The following WDR72 variants were observed in gnomAD, a reference collection of about 807,000 sequenced individuals.
WDR72 encodes the protein WD repeat domain 72, also known as WD repeat-containing protein 72.
In WDR72, 120 loss-of-function variants were observed where a neutral mutation model predicts 124.2. The observed-to-expected ratio is 0.97, with a 90% confidence interval of 0.83 to 1.12. WDR72 has a LOEUF of 1.12. Among genes scored for constraint, WDR72 ranks in the 50% most tolerant of loss-of-function variants. The pLI is 0.00. For synonymous variants in WDR72, 452 were observed against 441.7 expected (o/e 1.02, Z -0.29); for missense variants, 1,387 against 1,278.8 (o/e 1.08, Z -1.29).
At chr15:53,537,156 T>C (rs1290871450) in intron 18 of WDR72, among the ~76,000 whole-genome samples, 1 of 152,196 alleles carries the variant, frequency 6.6e-6, no homozygotes, top group African/African-American at 2.4e-5. Context: ...TTTTAGGTCA[T>C]TATCCTTTAT....
Position 53,515,084 on chromosome 15 carries a change from T to TACAC in WDR72, c.*2614_*2615insGTGT, listed in dbSNP as rs1381191419. On this transcript the variant is annotated 3_prime_UTR_variant, in exon 20 of 20. Coordinates refer to ENST00000360509, the MANE Select transcript of WDR72 (RefSeq NM_182758.4). ...ATATATACACACATATATATGTATG[T>TACAC]ATACACACACACACACACACACAAA... 1 of 26,446 alleles carries TACAC rather than the reference T, an allele frequency of 3.8e-5. No individual in the cohort carries two copies. The highest frequency in any genetic ancestry group is 5.4e-5 in the African/African-American group (1 of 18,494). 1.6% of individuals were successfully genotyped at this position (26,446 alleles called of 1,614,324 possible).
At chr15:53,697,632 A>T (rs2017043852) in intron 13 of WDR72, among the ~76,000 whole-genome samples, 2 of 151,974 alleles carry the variant, frequency 1.3e-5, no homozygotes, top group Admixed American at 1.3e-4. Context: ...CCCTGCCCAC[A>T]CCTCTATAAA....
intron 17 of WDR72, among the ~76,000 whole-genome samples, chr15:53,609,270 C>T (rs758718929): frequency 6.6e-6 from 1 of 152,076 alleles, no homozygotes; most frequent in Non-Finnish European, 1.5e-5. Flanking sequence ...CTTCAACAAG[C>T]AAGAAATTAC....
intron 9 of WDR72, among the ~76,000 whole-genome samples, chr15:53,707,005 C>A (rs1419543268): frequency 6.6e-6 from 1 of 152,186 alleles, no homozygotes; most frequent in South Asian, 2.1e-4. Flanking sequence ...AGCTGTTCTT[C>A]GGGCAGGTTT....
chr15:53,750,551 T>G (rs1353644749), intron 1 of WDR72, among the ~76,000 whole-genome samples: 2 of 152,192 alleles, frequency 1.3e-5, no homozygotes, highest in Non-Finnish European at 2.9e-5. Flanking sequence ...GACTTTCAAC[T>G]CTTACTATTT....
intron 14 of WDR72, among the ~76,000 whole-genome samples, chr15:53,621,074 T>A (rs143110028): frequency 1.3e-5 from 2 of 152,032 alleles, no homozygotes; most frequent in East Asian, 3.9e-4. Context: ...ATGATCAGGA[T>A]AATTCAAATC....
chr15:53,626,435 G>A (rs2014211558), intron 14 of WDR72, among the ~76,000 whole-genome samples: 1 of 152,206 alleles, frequency 6.6e-6, no homozygotes, highest in African/African-American at 2.4e-5. Flanking sequence ...GGATCCAAGG[G>A]ATGGAAGTCA....
At chr15:53,712,022 C>T (rs959214624) in intron 7 of WDR72, among the ~76,000 whole-genome samples, 1 of 152,106 alleles carries the variant, frequency 6.6e-6, no homozygotes, top group Non-Finnish European at 1.5e-5. Flanking sequence ...AAGAAAATAA[C>T]GTTTGTCCCT....
At chr15:53,715,110 C>A (rs1237046523) in intron 5 of WDR72, 83 bp downstream of exon 5, 1 of 1,456,380 alleles carries the variant, frequency 6.9e-7, no homozygotes, top group Non-Finnish European at 9.5e-7. Flanking sequence ...TTCTGAATTT[C>A]TGCCCAATAA....
intron 1 of WDR72, among the ~76,000 whole-genome samples, chr15:53,736,121 T>C (rs893168580): frequency 2.0e-5 from 3 of 152,086 alleles, no homozygotes; most frequent in Non-Finnish European, 4.4e-5. Context: ...TTAAGAGATA[T>C]AGATGCTAAG....
Position 53,706,051 on chromosome 15 carries a change from C to A in WDR72, c.978G>T (p.Met326Ile). 1.2e-6 allele frequency: 2 copies of A among 1,613,930 alleles called. No homozygotes were observed. The highest frequency in any genetic ancestry group is 2.2e-5 in the South Asian group (2 of 91,072). ...ENKEQSRPFV[M>I]GYMNERKEPF... ...GCTCTTTCCTTTCATTCATGTAGCC[C>A]ATAACAAAGGGACGGCTCTGTTCCT... Residue 326 changes from methionine (M) to isoleucine (I), a missense_variant, in exon 10 of 20, where the codon ATG becomes ATT. Physicochemically the swap from Met to Ile is conservative, Grantham distance 10 (BLOSUM62 1). Transcript: ENST00000360509.
chr15:53,643,745 C>CGT (rs2014940594), intron 14 of WDR72, among the ~76,000 whole-genome samples: 1 of 131,022 alleles, frequency 7.6e-6, no homozygotes, highest in South Asian at 2.1e-4. Flanking sequence ...TGTGTGTGTG[C>CGT]GTGTGTGTGT....
At chr15:53,572,167 G>A (rs1894553982) in intron 18 of WDR72, among the ~76,000 whole-genome samples, 1 of 152,128 alleles carries the variant, frequency 6.6e-6, no homozygotes, top group South Asian at 2.1e-4. Context: ...TCTGTAGGTT[G>A]TCTTCACTCT....
chr15:53,672,631 G>A (rs539476343), intron 13 of WDR72, among the ~76,000 whole-genome samples: 1 of 152,260 alleles, frequency 6.6e-6, no homozygotes, highest in South Asian at 2.1e-4. Context: ...AACTGCAGTA[G>A]AAGAGCAAGG....
At chr15:53,640,164 C>A (rs1338234662) in intron 14 of WDR72, among the ~76,000 whole-genome samples, 1 of 152,198 alleles carries the variant, frequency 6.6e-6, no homozygotes, top group African/African-American at 2.4e-5. Flanking sequence ...GTTAGCCCAT[C>A]TCTAACCTCT....
At chr15:53,760,472 G>C (rs1403396242), upstream of WDR72, among the ~76,000 whole-genome samples, 4 of 152,100 alleles carry the variant, frequency 2.6e-5, no homozygotes, top group Non-Finnish European at 4.4e-5. Flanking sequence ...TTAACATAAT[G>C]ATCTCCAGTT....
intron 7 of WDR72, 147 bp from the exon 8 acceptor site, chr15:53,711,628 C>T (rs1452309279): frequency 3.3e-6 from 3 of 915,486 alleles, no homozygotes; most frequent in Non-Finnish European, 5.0e-6. Flanking sequence ...TGATATTTTA[C>T]CATGACTTAT....
chr15:53,696,551 AC>A (rs1184616755), intron 13 of WDR72, among the ~76,000 whole-genome samples: 2 of 152,304 alleles, frequency 1.3e-5, no homozygotes, highest in Non-Finnish European at 2.9e-5. Flanking sequence ...TATATTCCAT[AC>A]CTTCAAATAG....
chr15:53,693,855 AGT>A (rs1465337544), intron 13 of WDR72, among the ~76,000 whole-genome samples: 1 of 152,182 alleles, frequency 6.6e-6, no homozygotes, highest in Non-Finnish European at 1.5e-5. Context: ...TAAAACTTGG[AGT>A]GTGTTTTCCT....
Sources: gnomAD v4.1 joint callset for allele counts (sites outside exome capture counted in the v4.1 genomes callset) on GRCh38, gnomAD v4.1.1 for gene constraint, MANE v1.5 for transcripts, NCBI Gene and HGNC (gene_info 2026-07-23, HGNC 2026-07-21) for gene names.